Variants in FA2H observed in about 807,000 individuals in gnomAD.
The protein encoded by FA2H is fatty acid alpha-hydroxylase.
A neutral mutation model predicts 44.9 loss-of-function variants in FA2H; 22 were observed. The observed-to-expected ratio is 0.49, with a 90% CI of 0.35 to 0.70. The LOEUF is 0.70. Among genes scored for constraint, FA2H ranks in the 30% least tolerant of loss-of-function variants. The pLI, the probability that FA2H is intolerant of heterozygous loss-of-function variation, is 0.01. For synonymous variants in FA2H, 243 were observed against 213.2 expected (o/e 1.14, Z -1.22); for missense variants, 501 against 504.9 (o/e 0.99, Z 0.07).
chr16:74,758,052 T>A (rs1266480551), intron 1 of FA2H, among the ~76,000 whole-genome samples: 2 of 151,430 alleles, frequency 1.3e-5, no homozygotes, highest in Non-Finnish European at 2.9e-5. Context: ...ATGGGTAGAA[T>A]CTCTGTGAGA....
At chr16:74,773,742 T>C (rs1420132431) in intron 1 of FA2H, among the ~76,000 whole-genome samples, 1 of 152,118 alleles carries the variant, frequency 6.6e-6, no homozygotes, top group Non-Finnish European at 1.5e-5. Context: ...CTGCCCCAGG[T>C]TGAGTTAAGG....
chr16:74,724,464 G>T (rs541058694), intron 4 of FA2H, among the ~76,000 whole-genome samples: 1 of 152,204 alleles, frequency 6.6e-6, no homozygotes, highest in East Asian at 1.9e-4. Flanking sequence ...GCCTTGAACT[G>T]GTGTCTGCGT....
At position 74,774,789 on chromosome 16, in the gene FA2H, G is replaced by C; in HGVS notation, c.-34C>G. 5 of 1,275,296 alleles carry C rather than the reference G, an allele frequency of 3.9e-6. No homozygotes were observed. The highest frequency in any genetic ancestry group is 1.6e-5 in the African/African-American group (1 of 64,272). 79.0% of individuals were successfully genotyped at this position (1,275,296 alleles called of 1,614,324 possible). On this transcript the variant is annotated 5_prime_UTR_variant, in exon 1 of 7. Transcript: ENST00000219368. The stretch of plus-strand genomic sequence containing the variant: ...ACCGCAGCTCCCAGCGCGCAGCCCG[G>C]CGTCTGCTCTGCTGCCACCCTGAGC...
intron 5 of FA2H, among the ~76,000 whole-genome samples, chr16:74,718,624 C>A (rs112651041): frequency 6.6e-6 from 1 of 152,176 alleles, no homozygotes; most frequent in South Asian, 2.1e-4. Context: ...GCTCCAGGAG[C>A]GCAAGGCTTT....
At chr16:74,750,893 TA>T (rs1422550990) in intron 1 of FA2H, among the ~76,000 whole-genome samples, 2 of 151,952 alleles carry the variant, frequency 1.3e-5, no homozygotes, top group South Asian at 2.1e-4. Context: ...GCAATCCTTC[TA>T]CCTCAGCCTC....
intron 1 of FA2H, among the ~76,000 whole-genome samples, chr16:74,758,389 G>C (rs1319837834): frequency 6.6e-6 from 1 of 151,664 alleles, no homozygotes; most frequent in East Asian, 1.9e-4. Context: ...TAAAATGCTG[G>C]GATTACAGTC....
intron 1 of FA2H, among the ~76,000 whole-genome samples, chr16:74,748,689 A>G (rs1160679394): frequency 6.6e-6 from 1 of 152,008 alleles, no homozygotes; most frequent in African/African-American, 2.4e-5. Context: ...ACAGAGAAGA[A>G]CAACAGAAAG....
chr16:74,739,053 C>A (rs1333779422), intron 2 of FA2H, among the ~76,000 whole-genome samples: 1 of 152,218 alleles, frequency 6.6e-6, no homozygotes, highest in African/African-American at 2.4e-5. Context: ...CCAAGGGGGC[C>A]CAGCAGACAG....
At chr16:74,745,368 C>A (rs568996531) in intron 1 of FA2H, among the ~76,000 whole-genome samples, 10 of 152,258 alleles carry the variant, frequency 6.6e-5, no homozygotes, top group African/African-American at 9.6e-5. Flanking sequence ...GATCCATTAG[C>A]GAGCAGGTGG....
intron 2 of FA2H, 141 bp downstream of exon 2, chr16:74,739,882 G>C: frequency 2.6e-6 from 2 of 774,264 alleles, no homozygotes; most frequent in South Asian, 2.8e-5. Context: ...ATGCCTCTGG[G>C]CTGTGGACAC....
At chr16:74,715,961 G>T (rs1275272274) in intron 6 of FA2H, among the ~76,000 whole-genome samples, 1 of 151,852 alleles carries the variant, frequency 6.6e-6, no homozygotes, top group Non-Finnish European at 1.5e-5. Context: ...GATTATAGGT[G>T]GGCACAACCA....
At chr16:74,724,810 CCT>C (rs1961916661) in intron 4 of FA2H, among the ~76,000 whole-genome samples, 1 of 152,152 alleles carries the variant, frequency 6.6e-6, no homozygotes, top group Non-Finnish European at 1.5e-5. Flanking sequence ...GCAGGAAAGA[CCT>C]CTCCTATAGG....
intron 2 of FA2H, among the ~76,000 whole-genome samples, chr16:74,728,780 CTTTTTTT>C: frequency 8.8e-6 from 1 of 113,956 alleles, no homozygotes; most frequent in South Asian, 2.7e-4. Flanking sequence ...TTATCTCTTT[CTTTTTTT>C]TTTTTTTTTT....
chr16:74,727,551 G>C (rs1313766254), intron 2 of FA2H, among the ~76,000 whole-genome samples, 165 bp from the exon 3 acceptor site: 1 of 152,230 alleles, frequency 6.6e-6, no homozygotes, highest in Non-Finnish European at 1.5e-5. Flanking sequence ...TGACCAAGCT[G>C]CTCATCCCAG....
chr16:74,714,133 G>A lies in FA2H; in HGVS notation c.*57C>T. ...TCTTAATGGGGTCTGAATGGCGGGT[G>A]GGGGTCGGGAAGGGGCCAGGGCCGG... On this transcript the variant is annotated 3_prime_UTR_variant, in exon 7 of 7. Coordinates refer to ENST00000219368, the MANE Select transcript of FA2H (RefSeq NM_024306.5). 1 of 1,063,516 alleles carries A rather than the reference G, an allele frequency of 9.4e-7. No homozygotes were observed. The highest frequency in any genetic ancestry group is 1.4e-6 in the Non-Finnish European group (1 of 706,014). 65.9% of individuals were successfully genotyped at this position (1,063,516 alleles called of 1,614,324 possible). A position where few individuals can be genotyped will look rare whatever the true frequency, so the allele number is the denominator to read the frequency against.
chr16:74,714,170 G>T lies in FA2H; in HGVS notation c.*20C>A. Reference sequence around the variant, plus strand: ...GGGGCCAGGGCCGGGCTGAGGGCAGGACGGAGGGGGTGGGAGTTGTCACTG... The same window carrying T: ...GGGGCCAGGGCCGGGCTGAGGGCAGTACGGAGGGGGTGGGAGTTGTCACTG... On this transcript the variant is annotated 3_prime_UTR_variant, in exon 7 of 7. Transcript: ENST00000219368. 1 of 1,518,398 alleles carries T rather than the reference G, an allele frequency of 6.6e-7. No individual in the cohort carries two copies. The highest frequency in any genetic ancestry group is 9.0e-7 in the Non-Finnish European group (1 of 1,116,430). The allele number at this position is 1,518,398 out of a possible 1,614,324, so 94.1% of individuals were successfully genotyped here. A position where few individuals can be genotyped will look rare whatever the true frequency, so the allele number is the denominator to read the frequency against.
chr16:74,748,609 A>G (rs907401408), intron 1 of FA2H, among the ~76,000 whole-genome samples: 1 of 152,082 alleles, frequency 6.6e-6, no homozygotes, highest in African/African-American at 2.4e-5. Context: ...CCAAGCCCCC[A>G]GCTTCCTCCA....
chr16:74,734,285 C>T (rs375026820), intron 2 of FA2H, among the ~76,000 whole-genome samples: 5 of 152,240 alleles, frequency 3.3e-5, no homozygotes, highest in African/African-American at 9.6e-5. Flanking sequence ...TGGAACCCGA[C>T]GCTAGAGAGG....
intron 1 of FA2H, among the ~76,000 whole-genome samples, chr16:74,742,609 G>A (rs536548200): frequency 2.8e-4 from 43 of 152,266 alleles, no homozygotes; most frequent in Middle Eastern, 3.4e-3. Context: ...TGAGGTGGGA[G>A]GATTGCTTAA....
Sources: gnomAD v4.1 joint callset for allele counts (sites outside exome capture counted in the v4.1 genomes callset) on GRCh38, gnomAD v4.1.1 for gene constraint, MANE v1.5 for transcripts, NCBI Gene and HGNC (gene_info 2026-07-23, HGNC 2026-07-21) for gene names.